Variants in KIT observed in about 807,000 individuals in gnomAD.
KIT encodes mast/stem cell growth factor receptor Kit.
In KIT, 16 loss-of-function variants were observed where a neutral mutation model predicts 105.7. The ratio of observed to expected loss-of-function variants is 0.15; its 90% CI spans 0.10 to 0.23. KIT has a LOEUF of 0.23. KIT is among the 10% of genes least tolerant of loss of function. The pLI, the probability that KIT is intolerant of heterozygous loss-of-function variation, is 1.00. For synonymous variants in KIT, 438 were observed against 441.1 expected (o/e 0.99, Z 0.09); for missense variants, 858 against 1,213.8 (o/e 0.71, Z 4.36).
rs753217053 is a variant in KIT at position 54,690,570 on chromosome 4, CAT to C, written c.68-4941_68-4940del. ...TCCTTTTTTTGGGTTAATTAATTAA[CAT>C]GTGTTCAGGGAACAGAAAACAACTC... On this transcript the variant is annotated intron_variant, in intron 1 of 20. Coordinates refer to ENST00000288135, the MANE Select transcript of KIT (RefSeq NM_000222.3). 3.9e-5 allele frequency among the ~76,000 whole-genome samples: 6 copies of C among 152,280 alleles called. No individual in the cohort carries two copies. The East Asian group carries it at 5.8e-4, about 15-fold the overall frequency.
At chr4:54,699,900 G>A in intron 4 of KIT, 134 bp downstream of exon 4, 1 of 893,094 alleles carries the variant, frequency 1.1e-6, no homozygotes, top group Non-Finnish European at 1.8e-6. Flanking sequence ...GAGAGTGTTG[G>A]GATTGCATAT....
At chr4:54,682,879 G>A (rs1245520369) in intron 1 of KIT, among the ~76,000 whole-genome samples, 2 of 151,764 alleles carry the variant, frequency 1.3e-5, no homozygotes, top group African/African-American at 4.8e-5. Context: ...AGCCTCCTGA[G>A]TAGCTGGGAT....
intron 1 of KIT, among the ~76,000 whole-genome samples, chr4:54,660,914 AC>A (rs1717215559): frequency 6.6e-6 from 1 of 152,160 alleles, no homozygotes. Context: ...CAATGTCACT[AC>A]CTTCCCAATT....
chr4:54,664,202 A>G (rs1276183545), intron 1 of KIT, among the ~76,000 whole-genome samples: 3 of 152,210 alleles, frequency 2.0e-5, no homozygotes, highest in Non-Finnish European at 4.4e-5. Context: ...AAACTACAGT[A>G]CAAGGAACAA....
chr4:54,737,495 G>A (rs543505926), intron 20 of KIT, among the ~76,000 whole-genome samples: 8 of 152,136 alleles, frequency 5.3e-5, no homozygotes, highest in Non-Finnish European at 1.2e-4. Flanking sequence ...TGAGATTGAG[G>A]GGGAAGGGTG....
At chr4:54,665,884 T>C (rs145954742) in intron 1 of KIT, among the ~76,000 whole-genome samples, 2 of 152,198 alleles carry the variant, frequency 1.3e-5, no homozygotes, top group African/African-American at 2.4e-5. Context: ...TACGGTAGCA[T>C]TGGGGATTAT....
intron 16 of KIT, 55 bp from the exon 17 acceptor site, chr4:54,733,015 T>G: frequency 6.6e-7 from 1 of 1,520,958 alleles, no homozygotes; most frequent in South Asian, 1.1e-5. Flanking sequence ...TAGTTTTCAC[T>G]CTTTACAAGT....
At chr4:54,665,502 C>G (rs913125182) in intron 1 of KIT, among the ~76,000 whole-genome samples, 1 of 152,000 alleles carries the variant, frequency 6.6e-6, no homozygotes, top group Non-Finnish European at 1.5e-5. Flanking sequence ...AAGAAAGCGC[C>G]CTTAAGAGAC....
In KIT at chr4:54,727,874, A is replaced by T. The variant is rs2109779797; in HGVS notation, c.1826A>T (p.Tyr609Phe). The change falls in exon 12 of 21, where the codon TAT (tyrosine) becomes TTT (phenylalanine). Residue 609 changes from tyrosine (Y) to phenylalanine (F), a missense_variant. Transcript: ENST00000288135. ...AFGKVVEATA[Y>F]GLIKSDAAMT... is the part of the protein sequence containing the mutation. ...GGGAAGGTTGTTGAGGCAACTGCTTATGGCTTAATTAAGTCAGATGCGGCC... is the reference window on the plus strand; with the variant it reads ...GGGAAGGTTGTTGAGGCAACTGCTTTTGGCTTAATTAAGTCAGATGCGGCC... The T allele has an allele frequency of 6.2e-7, 1 of 1,613,962 alleles. No individual in the cohort carries two copies. The highest frequency in any genetic ancestry group is 1.1e-5 in the South Asian group (1 of 91,074).
chr4:54,704,038 T>C (rs1720630063), intron 5 of KIT, 146 bp downstream of exon 5: 1 of 787,036 alleles, frequency 1.3e-6, no homozygotes, highest in African/African-American at 1.7e-5. Flanking sequence ...CCTTGTAGCC[T>C]CTTGCAATGA....
chr4:54,688,355 A>C (rs570214752), intron 1 of KIT, among the ~76,000 whole-genome samples: 1 of 152,236 alleles, frequency 6.6e-6, no homozygotes, highest in Non-Finnish European at 1.5e-5. Context: ...TGAACCGAAG[A>C]GTAGTTGAAC....
At chr4:54,685,943 T>A (rs1003151503) in intron 1 of KIT, among the ~76,000 whole-genome samples, 2 of 152,246 alleles carry the variant, frequency 1.3e-5, no homozygotes, top group African/African-American at 4.8e-5. Context: ...TGTTTTAGCC[T>A]GTACTTGCTT....
At chr4:54,717,328 C>T (rs1396584492) in intron 7 of KIT, among the ~76,000 whole-genome samples, 1 of 152,192 alleles carries the variant, frequency 6.6e-6, no homozygotes, top group Non-Finnish European at 1.5e-5. Flanking sequence ...CTCTTCCTCC[C>T]TATCTCATAA....
At chr4:54,725,730 G>A (rs993842957) in intron 8 of KIT, 127 bp from the exon 9 acceptor site, 2 of 937,268 alleles carry the variant, frequency 2.1e-6, no homozygotes, top group Admixed American at 2.0e-5. Flanking sequence ...TTAGACACTT[G>A]TAAAAGGACA....
intron 20 of KIT, among the ~76,000 whole-genome samples, chr4:54,737,990 G>T (rs1723024181): frequency 6.6e-6 from 1 of 152,056 alleles, no homozygotes; most frequent in Non-Finnish European, 1.5e-5. Flanking sequence ...GTTCTTCTGG[G>T]TGTCAAAACA....
At chr4:54,659,139 A>G (rs976709606) in intron 1 of KIT, among the ~76,000 whole-genome samples, 1 of 152,160 alleles carries the variant, frequency 6.6e-6, no homozygotes, top group African/African-American at 2.4e-5. Flanking sequence ...CGGGACTTCT[A>G]TACTTCAGGG....
intron 17 of KIT, among the ~76,000 whole-genome samples, chr4:54,734,194 T>C (rs1722778885): frequency 6.6e-6 from 1 of 152,186 alleles, no homozygotes; most frequent in Admixed American, 6.5e-5. Context: ...TGATAAGTCG[T>C]TAATTATCCA....
At chr4:54,671,400 T>C (rs1454680392) in intron 1 of KIT, among the ~76,000 whole-genome samples, 1 of 152,184 alleles carries the variant, frequency 6.6e-6, no homozygotes, top group African/African-American at 2.4e-5. Context: ...CTAGTGACCA[T>C]AGCCTTGGTT....
chr4:54,727,943 G>A lies in KIT; in HGVS notation c.1879+16G>A, dbSNP rs767254668. ...ATGCTCAAGCGTAAGTTCCTGTATG[G>A]TACTGCATGCGCTTGACATCAGTTT... On this transcript the variant is annotated intron_variant, in intron 12 of 20. Transcript: ENST00000288135. 5.0e-6 allele frequency: 8 copies of A among 1,612,128 alleles called. No individual in the cohort carries two copies. Among genetic ancestry groups the A allele is most frequent in the Middle Eastern group, 1.7e-4 (1 of 6,058 alleles).
Sources: gnomAD v4.1 joint callset for allele counts (sites outside exome capture counted in the v4.1 genomes callset) on GRCh38, gnomAD v4.1.1 for gene constraint, MANE v1.5 for transcripts, NCBI Gene and HGNC (gene_info 2026-07-23, HGNC 2026-07-21) for gene names.